Variants in ARHGAP26 observed in about 807,000 individuals in gnomAD.
The protein encoded by ARHGAP26 is rho GTPase-activating protein 26.
Under a neutral mutation model 104.8 loss-of-function variants are expected in ARHGAP26, and 38 were observed. The observed-to-expected ratio is 0.36, with a 90% CI of 0.28 to 0.48. The LOEUF (loss-of-function observed/expected upper bound fraction) is 0.48, where lower values mean the gene tolerates loss of function less well. Among genes scored for constraint, ARHGAP26 ranks in the 20% least tolerant of loss-of-function variants. The pLI is 0.99. For synonymous variants in ARHGAP26, 341 were observed against 340.0 expected, an observed-to-expected ratio of 1.00 and a Z score of -0.03; for missense variants, 704 against 947.9, an observed-to-expected ratio of 0.74 and a Z score of 3.38.
At chr5:142,775,031 C>A (rs182761908) in intron 1 of ARHGAP26, among the ~76,000 whole-genome samples, 1 of 151,652 alleles carries the variant, frequency 6.6e-6, no homozygotes, top group East Asian at 1.9e-4. Flanking sequence ...TGAATAGAGC[C>A]GATATAAACA....
chr5:142,802,586 T>C (rs1026921537), intron 1 of ARHGAP26, among the ~76,000 whole-genome samples: 3 of 152,236 alleles, frequency 2.0e-5, no homozygotes, highest in African/African-American at 7.2e-5. Flanking sequence ...TCGACGATGT[T>C]AAGCGGGGAT....
intron 22 of ARHGAP26, among the ~76,000 whole-genome samples, chr5:143,219,724 T>C (rs542271462): frequency 1.3e-5 from 2 of 152,366 alleles, no homozygotes; most frequent in South Asian, 2.1e-4. Flanking sequence ...AGAAAAGTTA[T>C]AGCTCCTAAC....
intron 10 of ARHGAP26, among the ~76,000 whole-genome samples, chr5:142,920,294 C>G (rs1156964779): frequency 6.6e-6 from 1 of 152,132 alleles, no homozygotes; most frequent in Non-Finnish European, 1.5e-5. Context: ...ATAATTCACT[C>G]CGTCATGCAG....
intron 17 of ARHGAP26, among the ~76,000 whole-genome samples, chr5:143,065,657 T>C (rs527391017): frequency 6.6e-6 from 1 of 151,392 alleles, no homozygotes; most frequent in Non-Finnish European, 1.5e-5. Flanking sequence ...CTCCTGTTTG[T>C]ATTGCAGCCA....
rs554038403 is a variant in ARHGAP26 at position 143,120,832 on chromosome 5, A to G, written c.1539-156A>G. ...ATGCTGAAGATTTCTGAAATGTGGT[A>G]GATTTTCTGACTCCTGTGGCATCTG... On this transcript the variant is annotated intron_variant, in intron 17 of 22. Coordinates refer to ENST00000645722, the MANE Select transcript of ARHGAP26 (RefSeq NM_001135608.3). Among the ~76,000 whole-genome samples, 5 of 152,324 alleles carry G rather than the reference A, an allele frequency of 3.3e-5. No homozygotes were observed. The East Asian group carries it at 9.6e-4, about 29-fold the overall frequency.
At chr5:143,102,569 C>T (rs962634670) in intron 17 of ARHGAP26, among the ~76,000 whole-genome samples, 6 of 152,194 alleles carry the variant, frequency 3.9e-5, no homozygotes, top group South Asian at 2.1e-4. Flanking sequence ...TAAAAGTTGG[C>T]GTTTGGGACT....
intron 5 of ARHGAP26, among the ~76,000 whole-genome samples, chr5:142,890,621 AC>A (rs1006461695): frequency 1.3e-5 from 2 of 151,944 alleles, no homozygotes; most frequent in Non-Finnish European, 2.9e-5. Context: ...AGACAGAGAG[AC>A]CAGTTAGGAG....
intron 20 of ARHGAP26, among the ~76,000 whole-genome samples, chr5:143,150,732 G>A (rs984849519): frequency 1.3e-5 from 2 of 152,176 alleles, no homozygotes; most frequent in African/African-American, 4.8e-5. Context: ...ACACAAAAAT[G>A]AATCTAGATA....
chr5:143,013,466 G>C (rs1369156603), intron 11 of ARHGAP26, among the ~76,000 whole-genome samples: 4 of 152,058 alleles, frequency 2.6e-5, no homozygotes, highest in Non-Finnish European at 1.5e-5. Flanking sequence ...CATTATTTAA[G>C]GGGTTTCTAT....
chr5:143,018,086 G>A (rs890694507), intron 12 of ARHGAP26, among the ~76,000 whole-genome samples: 8 of 152,096 alleles, frequency 5.3e-5, no homozygotes, highest in Non-Finnish European at 1.5e-5. Context: ...GCATTTCTCT[G>A]GTAATTAATG....
At chr5:143,150,075 TAGAG>T (rs2150997362) in intron 20 of ARHGAP26, among the ~76,000 whole-genome samples, 1 of 152,288 alleles carries the variant, frequency 6.6e-6, no homozygotes, top group South Asian at 2.1e-4. Context: ...GCATCAAAAT[TAGAG>T]AGGCCATCAT....
chr5:143,207,335 C>G, intron 21 of ARHGAP26, 27 bp downstream of exon 21: 1 of 1,614,186 alleles, frequency 6.2e-7, no homozygotes, highest in Admixed American at 1.7e-5. Flanking sequence ...GTTTGGTTTT[C>G]TGTTGCTGCC....
chr5:143,131,233 C>A (rs1450660883), intron 18 of ARHGAP26, among the ~76,000 whole-genome samples: 1 of 152,188 alleles, frequency 6.6e-6, no homozygotes, highest in African/African-American at 2.4e-5. Context: ...CTGTCTAAAG[C>A]CATGGTCCTT....
rs1264892027 is a variant in ARHGAP26 at position 143,224,769 on chromosome 5, C to T, written c.*2323C>T. On this transcript the variant is annotated 3_prime_UTR_variant, in exon 23 of 23. Transcript: ENST00000645722. ...ATTTTAAAACTCTTCCCTTTCACCT[C>T]CAATTCCCGTGATCCCAAAAGAAGA... 8.8e-6 allele frequency: 2 copies of T among 228,202 alleles called. No individual in the cohort carries two copies. The highest frequency in any genetic ancestry group is 3.6e-4 in the South Asian group (2 of 5,488). 14.1% of individuals were successfully genotyped at this position (228,202 alleles called of 1,614,324 possible). A position where few individuals can be genotyped will look rare whatever the true frequency, so the allele number is the denominator to read the frequency against.
chr5:142,949,935 G>A (rs886686125), intron 11 of ARHGAP26, among the ~76,000 whole-genome samples: 1 of 152,214 alleles, frequency 6.6e-6, no homozygotes, highest in Non-Finnish European at 1.5e-5. Context: ...TATTGACCAG[G>A]TCATTTCATG....
At chr5:142,928,766 T>C (rs1327375005) in intron 10 of ARHGAP26, among the ~76,000 whole-genome samples, 1 of 152,232 alleles carries the variant, frequency 6.6e-6, no homozygotes, top group Admixed American at 6.5e-5. Context: ...AATTTATATA[T>C]AGTGCTTAGC....
chr5:143,001,971 A>G (rs934935199), intron 11 of ARHGAP26, among the ~76,000 whole-genome samples: 4 of 152,206 alleles, frequency 2.6e-5, no homozygotes, highest in African/African-American at 9.7e-5. Context: ...GTTTGTGGCA[A>G]GGGAAGAAGT....
At chr5:143,195,557 C>T (rs1413261215) in intron 20 of ARHGAP26, among the ~76,000 whole-genome samples, 3 of 152,150 alleles carry the variant, frequency 2.0e-5, no homozygotes, top group Non-Finnish European at 4.4e-5. Flanking sequence ...TCCTCCTTGA[C>T]GTCCCCCTAC....
chr5:142,856,008 C>A (rs1449103601), intron 1 of ARHGAP26, among the ~76,000 whole-genome samples: 1 of 152,214 alleles, frequency 6.6e-6, no homozygotes, highest in African/African-American at 2.4e-5. Context: ...ACACAGCAGA[C>A]AGACCTCATT....
Sources: allele counts gnomAD v4.1 joint callset (sites outside exome capture counted in the v4.1 genomes callset), GRCh38; gene constraint gnomAD v4.1.1; transcripts MANE v1.5; gene names NCBI Gene and HGNC (gene_info 2026-07-23, HGNC 2026-07-21).